Variants in CEP89 observed in about 807,000 individuals in gnomAD.
The protein encoded by CEP89 is centrosomal protein 89.
A neutral mutation model predicts 97.6 loss-of-function variants in CEP89; 95 were observed. That is an observed-to-expected ratio of 0.97 (90% CI 0.82 to 1.15). The LOEUF (loss-of-function observed/expected upper bound fraction) is 1.15, where lower values mean the gene tolerates loss of function less well. CEP89 is among the 50% of genes most tolerant of loss of function. The pLI, the probability that CEP89 is intolerant of heterozygous loss-of-function variation, is 0.00. For synonymous variants in CEP89, 354 were observed against 349.1 expected (o/e 1.01, Z -0.16); for missense variants, 869 against 947.7 (o/e 0.92, Z 1.09).
At chr19:32,922,043 AT>A (rs1352585406) in intron 12 of CEP89, among the ~76,000 whole-genome samples, 1 of 152,186 alleles carries the variant, frequency 6.6e-6, no homozygotes, top group Non-Finnish European at 1.5e-5. Context: ...TTTTCAAGAC[AT>A]GTACTTTCTC....
intron 11 of CEP89, 39 bp from the exon 12 acceptor site, chr19:32,923,581 C>T (rs749830334): frequency 1.6e-6 from 2 of 1,219,208 alleles, no homozygotes; most frequent in Non-Finnish European, 1.2e-6. Context: ...ACACACATAC[C>T]CACGCATCTA....
At chr19:32,925,285 G>C (rs2404981) in intron 11 of CEP89, among the ~76,000 whole-genome samples, 11,436 of 152,140 alleles carry the variant, frequency 0.075, 504 homozygotes, top group South Asian at 0.15. Flanking sequence ...GCCTCCTGAA[G>C]TTAGAACGAG....
chr19:32,889,575 C>T (rs1969469763), intron 16 of CEP89, among the ~76,000 whole-genome samples: 1 of 152,126 alleles, frequency 6.6e-6, no homozygotes, highest in African/African-American at 2.4e-5. Flanking sequence ...GTATTTCCAT[C>T]CTGGGCCCAC....
intron 16 of CEP89, among the ~76,000 whole-genome samples, chr19:32,894,873 T>A (rs1329024261): frequency 6.6e-6 from 1 of 152,208 alleles, no homozygotes; most frequent in African/African-American, 2.4e-5. Context: ...CAAATTCTTT[T>A]GTGAAGTCAA....
intron 1 of CEP89, 81 bp from the exon 2 acceptor site, chr19:32,966,547 G>A (rs1971288645): frequency 6.5e-6 from 5 of 773,292 alleles, no homozygotes; most frequent in Non-Finnish European, 9.6e-6. Context: ...CCCTGGGCCT[G>A]CAAGGGGACA....
rs377584191 is a variant in CEP89 at position 32,901,278 on chromosome 19, T to G, written c.1700A>C (p.Glu567Ala). The G allele has an allele frequency of 1.4e-5, 22 of 1,613,702 alleles. No individual in the cohort carries two copies. The Admixed American group carries it at 2.5e-4, about 18-fold the overall frequency. The change falls in exon 15 of 19, where the codon GAA becomes GCA. Residue 567 changes from glutamate to alanine, a missense_variant. Physicochemically the swap from Glu to Ala is moderately radical, Grantham distance 107. Coordinates refer to ENST00000305768, the MANE Select transcript of CEP89 (RefSeq NM_032816.5). ...TTTCTGTGCTCGTTCAAGTTCGGCTTCCAGTGCTTTGTTTTGCTCTGTCAA... is the reference window on the plus strand; with the variant it reads ...TTTCTGTGCTCGTTCAAGTTCGGCTGCCAGTGCTTTGTTTTGCTCTGTCAA... ...NSLTEQNKAL[E>A]AELERAQKIN...
At chr19:32,901,669 C>T (rs777465281) in intron 14 of CEP89, among the ~76,000 whole-genome samples, 4 of 151,982 alleles carry the variant, frequency 2.6e-5, no homozygotes, top group Non-Finnish European at 4.4e-5. Context: ...ACTCTGTTGC[C>T]CAGGCTGGAG....
intron 5 of CEP89, among the ~76,000 whole-genome samples, chr19:32,943,654 C>G (rs1231332403): frequency 6.6e-6 from 1 of 151,896 alleles, no homozygotes; most frequent in Non-Finnish European, 1.5e-5. Flanking sequence ...CCACAACTCA[C>G]CACGTTTCAC....
chr19:32,944,464 C>A (rs1392673973), intron 5 of CEP89, among the ~76,000 whole-genome samples: 1 of 152,074 alleles, frequency 6.6e-6, no homozygotes, highest in African/African-American at 2.4e-5. Context: ...GGTATGTTAA[C>A]CACGTGGTAT....
At chr19:32,901,797 G>A (rs185168478) in intron 14 of CEP89, among the ~76,000 whole-genome samples, 53 of 152,166 alleles carry the variant, frequency 3.5e-4, no homozygotes, top group Non-Finnish European at 5.3e-4. Flanking sequence ...GCTAATTTTT[G>A]TATTTTTTGT....
chr19:32,945,042 A>C (rs1032420744), intron 5 of CEP89, among the ~76,000 whole-genome samples: 1 of 152,216 alleles, frequency 6.6e-6, no homozygotes, highest in African/African-American at 2.4e-5. Flanking sequence ...GATCACCCAC[A>C]ACAGACTCCT....
chr19:32,899,705 T>A (rs1969722790), intron 16 of CEP89, 152 bp downstream of exon 16: 2 of 659,044 alleles, frequency 3.0e-6, no homozygotes, highest in African/African-American at 1.8e-5. Flanking sequence ...AATAAATACA[T>A]CATAAAGTCG....
chr19:32,951,534 T>TACACACACACACACAC (rs60580377), intron 4 of CEP89, among the ~76,000 whole-genome samples: 2 of 122,042 alleles, frequency 1.6e-5, no homozygotes, highest in African/African-American at 6.8e-5. Context: ...TATATATATA[T>TACACACACACACACAC]ACACACACAC....
chr19:32,877,560 G>C lies in CEP89; in HGVS notation c.*1602C>G, dbSNP rs1338034835. Reference sequence around the variant, plus strand: ...GGTATGCTTCTTGGTGGTGGCAGTGGGGCAGGGACTCTATCTTAGCTCAAA... The same window carrying C: ...GGTATGCTTCTTGGTGGTGGCAGTGCGGCAGGGACTCTATCTTAGCTCAAA... On this transcript the variant is annotated 3_prime_UTR_variant, in exon 19 of 19. Coordinates refer to ENST00000305768, the MANE Select transcript of CEP89 (RefSeq NM_032816.5). The C allele has an allele frequency of 1.3e-5, 2 of 152,070 alleles. No individual in the cohort carries two copies. The highest frequency in any genetic ancestry group is 4.8e-5 in the African/African-American group (2 of 41,316). 9.4% of individuals were successfully genotyped at this position (152,070 alleles called of 1,614,324 possible). A position where few individuals can be genotyped will look rare whatever the true frequency, so the allele number is the denominator to read the frequency against.
chr19:32,921,444 C>T (rs573783141), intron 12 of CEP89, among the ~76,000 whole-genome samples: 4 of 152,114 alleles, frequency 2.6e-5, no homozygotes, highest in Admixed American at 2.0e-4. Context: ...CCTGAGCAAG[C>T]CTGACACTCT....
intron 16 of CEP89, among the ~76,000 whole-genome samples, chr19:32,893,856 A>G (rs1969584204): frequency 6.6e-6 from 1 of 152,224 alleles, no homozygotes. Flanking sequence ...ACCAAACACA[A>G]CATACCAAAA....
intron 17 of CEP89, among the ~76,000 whole-genome samples, chr19:32,887,304 A>C (rs977312819): frequency 6.6e-6 from 1 of 151,436 alleles, no homozygotes; most frequent in African/African-American, 2.4e-5. Flanking sequence ...CACAGCCTTG[A>C]ACTCCTGGGC....
At chr19:32,913,700 G>C (rs893840021) in intron 14 of CEP89, among the ~76,000 whole-genome samples, 1 of 145,710 alleles carries the variant, frequency 6.9e-6, no homozygotes, top group Non-Finnish European at 1.5e-5. Flanking sequence ...GTGCAGTATT[G>C]CAATTTCAGC....
At chr19:32,940,619 CTG>C (rs1359772503) in intron 5 of CEP89, among the ~76,000 whole-genome samples, 1 of 152,228 alleles carries the variant, frequency 6.6e-6, no homozygotes, top group Non-Finnish European at 1.5e-5. Flanking sequence ...TTGAAGCAAA[CTG>C]TCTCAACGAC....
Sources: gnomAD v4.1 joint callset for allele counts (sites outside exome capture counted in the v4.1 genomes callset) on GRCh38, gnomAD v4.1.1 for gene constraint, MANE v1.5 for transcripts, NCBI Gene and HGNC (gene_info 2026-07-23, HGNC 2026-07-21) for gene names.